DCAF1: variants seen among roughly 807,000 people sequenced by gnomAD.
DCAF1 encodes DDB1 and CUL4 associated factor 1, also known as DDB1- and CUL4-associated factor 1.
A neutral mutation model predicts 128.0 loss-of-function variants in DCAF1; 15 were observed. The ratio of observed to expected loss-of-function variants is 0.12; its 90% confidence interval spans 0.08 to 0.18. The LOEUF (loss-of-function observed/expected upper bound fraction) is 0.18. Ranked by LOEUF, DCAF1 falls within the 10% of genes least tolerant of loss-of-function variation. The pLI, the probability that DCAF1 is intolerant of heterozygous loss-of-function variation, is 1.00. For missense variants in DCAF1, 988 were observed against 1,649.5 expected, an observed-to-expected ratio of 0.60 and a Z score of 6.95; for synonymous variants, 610 against 603.0, an observed-to-expected ratio of 1.01 and a Z score of -0.17.
At chr3:51,418,054 A>G (rs1223389233) in intron 17 of DCAF1, 62 bp downstream of exon 17, 24 of 1,545,972 alleles carry the variant, frequency 1.6e-5, no homozygotes, top group Non-Finnish European at 1.9e-5. Context: ...TAAGAACCAA[A>G]TGAAGGGGGG....
At chr3:51,421,249 A>AT (rs1205668538) in intron 14 of DCAF1, among the ~76,000 whole-genome samples, 3 of 151,874 alleles carry the variant, frequency 2.0e-5, no homozygotes, top group Non-Finnish European at 4.4e-5. Context: ...TTCATGTGCA[A>AT]TTTTTTCTGG....
chr3:51,437,123 C>T (rs1553637030), intron 9 of DCAF1, among the ~76,000 whole-genome samples: 2 of 151,854 alleles, frequency 1.3e-5, no homozygotes, highest in African/African-American at 4.8e-5. Flanking sequence ...AGTAGCCAGG[C>T]GTGGTGGCAC....
intron 6 of DCAF1, among the ~76,000 whole-genome samples, chr3:51,451,170 C>T (rs1457594954): frequency 7.5e-6 from 1 of 132,878 alleles, no homozygotes; most frequent in African/African-American, 2.8e-5. Flanking sequence ...CTCACTGCAA[C>T]CTCGAACTCC....
intron 3 of DCAF1, among the ~76,000 whole-genome samples, chr3:51,479,445 G>A (rs1488797651): frequency 6.6e-6 from 1 of 151,924 alleles, no homozygotes; most frequent in African/African-American, 2.4e-5. Flanking sequence ...TGAGGTTGCA[G>A]TGACCCGAGA....
intron 4 of DCAF1, among the ~76,000 whole-genome samples, chr3:51,468,213 C>G (rs1442502980): frequency 6.6e-6 from 1 of 152,176 alleles, no homozygotes; most frequent in Non-Finnish European, 1.5e-5. Context: ...GTTCTGTCGC[C>G]AAGGCTGGAG....
At position 51,448,428 on chromosome 3, in the gene DCAF1, C is replaced by T. The variant is rs185890371; in HGVS notation, c.376-4525G>A. On this transcript the variant is annotated intron_variant, in intron 6 of 24. Coordinates refer to ENST00000684031, the MANE Select transcript of DCAF1 (RefSeq NM_001387579.1). ...TAGAGACAGGGGTCTCACTTTGTTGCCCAAGTTGATCTTGAACTCCTGGCC... is the reference window on the plus strand; with the variant it reads ...TAGAGACAGGGGTCTCACTTTGTTGTCCAAGTTGATCTTGAACTCCTGGCC... Among the ~76,000 whole-genome samples, 692 of 152,288 alleles carry T rather than the reference C, an allele frequency of 4.5e-3. 4 individuals carry two copies. Among genetic ancestry groups the T allele is most frequent in the African/African-American group, 0.016 (664 of 41,550 alleles).
At chr3:51,443,689 T>G in intron 7 of DCAF1, 77 bp downstream of exon 7, 1 of 1,302,356 alleles carries the variant, frequency 7.7e-7, no homozygotes, top group Non-Finnish European at 1.0e-6. Context: ...TATGATCTAC[T>G]TATTCAGATT....
At chr3:51,461,762 G>A (rs1307843270) in intron 6 of DCAF1, among the ~76,000 whole-genome samples, 1 of 152,110 alleles carries the variant, frequency 6.6e-6, no homozygotes, top group Admixed American at 6.6e-5. Flanking sequence ...GTCCTTTGTA[G>A]GGACATGGAT....
chr3:51,398,666 TAAAA>T lies in DCAF1; in HGVS notation c.*99_*102del, dbSNP rs2089403126. 1 of 1,478,560 alleles carries T rather than the reference TAAAA, an allele frequency of 6.8e-7. No individual in the cohort carries two copies. 91.6% of individuals were successfully genotyped at this position (1,478,560 alleles called of 1,614,324 possible). A position where few individuals can be genotyped will look rare whatever the true frequency, so the allele number is the denominator to read the frequency against. ...TCTGAATGCAGGGCATGCAGCTCCT[TAAAA>T]GACAGACAGCCCTGGGAGAAAGAGA... is the stretch of plus-strand genomic sequence containing the variant. On this transcript the variant is annotated 3_prime_UTR_variant, in exon 25 of 25. Coordinates refer to ENST00000684031, the MANE Select transcript of DCAF1 (RefSeq NM_001387579.1).
intron 6 of DCAF1, among the ~76,000 whole-genome samples, chr3:51,457,420 AC>A (rs1302908294): frequency 6.6e-6 from 1 of 152,210 alleles, no homozygotes; most frequent in Non-Finnish European, 1.5e-5. Flanking sequence ...ATGTGAAAAC[AC>A]CAAATCTACG....
intron 3 of DCAF1, among the ~76,000 whole-genome samples, chr3:51,480,269 A>C (rs1553652318): frequency 1.3e-5 from 2 of 152,108 alleles, no homozygotes; most frequent in Admixed American, 6.6e-5. Context: ...AGGCCAAAGA[A>C]ATACCAAGTG....
intron 6 of DCAF1, among the ~76,000 whole-genome samples, chr3:51,446,994 AATAAT>A (rs1701930296): frequency 7.0e-6 from 1 of 143,698 alleles, no homozygotes; most frequent in Non-Finnish European, 1.5e-5. Context: ...TAATAATAAT[AATAAT>A]AAAATGTTTT....
chr3:51,472,488 G>C (rs1160329346), intron 3 of DCAF1, among the ~76,000 whole-genome samples: 2 of 152,074 alleles, frequency 1.3e-5, no homozygotes, highest in African/African-American at 4.8e-5. Flanking sequence ...TTGGCCTCAA[G>C]CAATCCTCCT....
In DCAF1 at chr3:51,430,144, A is replaced by G. The variant is rs1553635207; in HGVS notation, c.1356T>C (p.Ser452=). Residue 452 remains serine (S), a synonymous_variant, in exon 11 of 25, where the codon TCT becomes TCC. Coordinates refer to ENST00000684031, the MANE Select transcript of DCAF1 (RefSeq NM_001387579.1). The stretch of plus-strand genomic sequence containing the variant: ...TAGCATGGCAGCATCCTGAAGCATG[A>G]GAACACTCCATTAACCACAGGGTAT... ...VNYTLWLMEC[S]HASGCCHATM... is the part of the protein sequence containing the mutation. 1 of 780,960 alleles carries G rather than the reference A, an allele frequency of 1.3e-6. No individual in the cohort carries two copies. 48.4% of individuals were successfully genotyped at this position (780,960 alleles called of 1,614,324 possible).
chr3:51,500,977 G>T (rs1157119258), upstream of DCAF1, among the ~76,000 whole-genome samples: 1 of 151,982 alleles, frequency 6.6e-6, no homozygotes, highest in East Asian at 1.9e-4. Flanking sequence ...CACCACACCC[G>T]GCTAATTTTT....
At position 51,398,012 on chromosome 3, in the gene DCAF1, A is replaced by G. The variant is rs2089331759; in HGVS notation, c.*757T>C. ...ATAGAGGGAGTGAACTTATATCCTA[A>G]GTTCCCTCAACTCCACAAAACCAAT... is the stretch of plus-strand genomic sequence containing the variant. On this transcript the variant is annotated 3_prime_UTR_variant, in exon 25 of 25. Coordinates refer to ENST00000684031, the MANE Select transcript of DCAF1 (RefSeq NM_001387579.1). 1 of 162,310 alleles carries G rather than the reference A, an allele frequency of 6.2e-6. No individual in the cohort carries two copies. The highest frequency in any genetic ancestry group is 6.5e-5 in the Admixed American group (1 of 15,286). 10.1% of individuals were successfully genotyped at this position (162,310 alleles called of 1,614,324 possible).
intron 2 of DCAF1, among the ~76,000 whole-genome samples, chr3:51,494,361 G>A (rs150207487): frequency 0.011 from 1,691 of 151,888 alleles, 17 homozygotes; most frequent in Non-Finnish European, 0.017. Context: ...TGATCCACCC[G>A]CCTCAGCCTC....
At chr3:51,492,121 T>G (rs1329453631) in intron 2 of DCAF1, among the ~76,000 whole-genome samples, 15 of 148,398 alleles carry the variant, frequency 1.0e-4, no homozygotes, top group African/African-American at 3.8e-4. Context: ...ACTGCACCAC[T>G]GCACTCTAGC....
At chr3:51,435,563 T>C (rs1700733344) in intron 9 of DCAF1, among the ~76,000 whole-genome samples, 1 of 152,066 alleles carries the variant, frequency 6.6e-6, no homozygotes, top group African/African-American at 2.4e-5. Flanking sequence ...ACACAAAAAT[T>C]AGCCGGCCAT....
Sources: allele counts gnomAD v4.1 joint callset (sites outside exome capture counted in the v4.1 genomes callset), GRCh38; gene constraint gnomAD v4.1.1; transcripts MANE v1.5; gene names NCBI Gene and HGNC (gene_info 2026-07-23, HGNC 2026-07-21).